Variants in QPCT observed in about 807,000 individuals in gnomAD.
The protein encoded by QPCT is glutaminyl-peptide cyclotransferase.
QPCT carries 44 observed loss-of-function variants against 43.4 expected under a neutral mutation model. The observed-to-expected ratio is 1.01, with a 90% CI of 0.80 to 1.30. QPCT has a LOEUF of 1.30. Ranked by LOEUF, QPCT falls within the 50% of genes most tolerant of loss-of-function variation. The pLI is 0.00. For missense variants in QPCT, 526 were observed against 436.5 expected (o/e 1.21, Z -1.83); for synonymous variants, 168 against 168.4 (o/e 1.00, Z 0.02).
Position 37,372,492 on chromosome 2 carries a change from G to T in QPCT, c.940+20G>T, listed in dbSNP as rs112450688. The T allele has an allele frequency of 1.3e-6, 2 of 1,561,044 alleles. No individual in the cohort carries two copies. The highest frequency in any genetic ancestry group is 3.3e-5 in the Admixed American group (2 of 59,852). On this transcript the variant is annotated intron_variant, in intron 6 of 6. Coordinates refer to ENST00000338415, the MANE Select transcript of QPCT (RefSeq NM_012413.4). Reference sequence around the variant, plus strand: ...GAAGAGGTAATGTGTGTGTGTGTGTGTGTTTGTGTGTGTGTGCGTGCACAG... The same window carrying T: ...GAAGAGGTAATGTGTGTGTGTGTGTTTGTTTGTGTGTGTGTGCGTGCACAG...
intron 2 of QPCT, among the ~76,000 whole-genome samples, chr2:37,355,160 G>A (rs1311530440): frequency 6.6e-6 from 1 of 152,200 alleles, no homozygotes; most frequent in Non-Finnish European, 1.5e-5. Context: ...TGCATGGGCT[G>A]GCTGATGGCT....
At chr2:37,362,159 G>A (rs1172500755) in intron 3 of QPCT, among the ~76,000 whole-genome samples, 2 of 152,216 alleles carry the variant, frequency 1.3e-5, no homozygotes, top group Non-Finnish European at 2.9e-5. Flanking sequence ...GAACTGTCAA[G>A]CCTGCAAGAG....
chr2:37,369,623 C>A (rs1224957281), intron 4 of QPCT, 62 bp from the exon 5 acceptor site: 1 of 1,226,028 alleles, frequency 8.2e-7, no homozygotes, highest in African/African-American at 1.5e-5. Context: ...TTGTATTTCC[C>A]TGTTGATGAA....
chr2:37,360,720 A>G (rs1672843388), intron 3 of QPCT, among the ~76,000 whole-genome samples: 1 of 152,108 alleles, frequency 6.6e-6, no homozygotes, highest in African/African-American at 2.4e-5. Context: ...AAATTGAAGA[A>G]AGCAAGACTT....
intron 3 of QPCT, among the ~76,000 whole-genome samples, chr2:37,364,079 T>G (rs1672908941): frequency 6.6e-6 from 1 of 152,168 alleles, no homozygotes; most frequent in Admixed American, 6.5e-5. Context: ...ACAATGAAAT[T>G]ATGCCTTAAA....
intron 1 of QPCT, among the ~76,000 whole-genome samples, chr2:37,350,352 G>A (rs184415554): frequency 6.6e-6 from 1 of 152,256 alleles, no homozygotes; most frequent in African/African-American, 2.4e-5. Context: ...TTATCCCTTC[G>A]CACATTTCTA....
At chr2:37,355,006 G>C (rs1672711649) in intron 2 of QPCT, among the ~76,000 whole-genome samples, 1 of 152,144 alleles carries the variant, frequency 6.6e-6, no homozygotes, top group Admixed American at 6.5e-5. Flanking sequence ...CATAGATATT[G>C]TTGTAGTTAA....
rs1164499455 is a variant in QPCT, at chr2:37,373,273, A to C, written c.*446A>C. 1 of 152,310 alleles carries C rather than the reference A, an allele frequency of 6.6e-6. No individual in the cohort carries two copies. Among genetic ancestry groups the C allele is most frequent in the Admixed American group, 6.5e-5 (1 of 15,268 alleles). 9.4% of individuals were successfully genotyped at this position (152,310 alleles called of 1,614,324 possible). ...TGAAGGCGGTCAGATTTCTTTGAGA[A>C]ATCTTTGTAGAGTTAATTTTATGGA... is the stretch of plus-strand genomic sequence containing the variant. On this transcript the variant is annotated 3_prime_UTR_variant, in exon 7 of 7. Transcript: ENST00000338415.
Position 37,344,700 on chromosome 2 carries a change from C to A in QPCT, c.-32C>A. 6.3e-7 allele frequency: 1 copy of A among 1,579,832 alleles called. No homozygotes were observed. The highest frequency in any genetic ancestry group is 8.6e-7 in the Non-Finnish European group (1 of 1,164,608). On this transcript the variant is annotated 5_prime_UTR_variant, in exon 1 of 7. Coordinates refer to ENST00000338415, the MANE Select transcript of QPCT (RefSeq NM_012413.4). ...CCCGGGCTCGTGACCGCCAGCGGCC[C>A]GGGGAACCCGCTCCCAGACAGACTC... is the stretch of plus-strand genomic sequence containing the variant.
At chr2:37,368,408 C>A (rs536906648) in intron 4 of QPCT, 8 of 252,914 alleles carry the variant, frequency 3.2e-5, no homozygotes, top group African/African-American at 1.6e-4. Context: ...CAGCTTGGAA[C>A]CTCATGCTAC....
At chr2:37,364,518 A>G (rs1358267526) in intron 3 of QPCT, among the ~76,000 whole-genome samples, 1 of 152,252 alleles carries the variant, frequency 6.6e-6, no homozygotes, top group Non-Finnish European at 1.5e-5. Context: ...AAGACATATT[A>G]GGCTCAAAGA....
intron 3 of QPCT, among the ~76,000 whole-genome samples, chr2:37,363,841 T>C (rs1672904328): frequency 6.6e-6 from 1 of 152,016 alleles, no homozygotes; most frequent in Non-Finnish European, 1.5e-5. Flanking sequence ...AATTGGTCAA[T>C]AAGGAGGAGC....
chr2:37,359,050 T>A (rs1054305052), intron 2 of QPCT, among the ~76,000 whole-genome samples: 1 of 152,214 alleles, frequency 6.6e-6, no homozygotes, highest in Non-Finnish European at 1.5e-5. Flanking sequence ...CTTAATTTTT[T>A]AAATATGCCT....
At position 37,344,837 on chromosome 2, in the gene QPCT, T is replaced by C; in HGVS notation, c.106T>C (p.Trp36Arg). The C allele has an allele frequency of 6.3e-7, 1 of 1,597,474 alleles. No individual in the cohort carries two copies. The highest frequency in any genetic ancestry group is 8.5e-7 in the Non-Finnish European group (1 of 1,173,128). ...SRGVSPSASA[W>R]PEEKNYHQPA... ...GGGGGTCAGTCCGAGTGCCTCAGCC[T>C]GGCCAGAGGAGAAGGTGAGGGGCTG... Residue 36 changes from tryptophan (W) to arginine (R), a missense_variant, in exon 1 of 7, where the codon TGG (tryptophan) becomes CGG (arginine). Coordinates refer to ENST00000338415, the MANE Select transcript of QPCT (RefSeq NM_012413.4).
chr2:37,346,257 G>A (rs62133277), intron 1 of QPCT, among the ~76,000 whole-genome samples: 281 of 152,314 alleles, frequency 1.8e-3, no homozygotes, highest in Non-Finnish European at 3.3e-3. Context: ...TGGTAGTGAG[G>A]GAAGTCTGTA....
At chr2:37,366,078 T>G (rs535343547) in intron 3 of QPCT, among the ~76,000 whole-genome samples, 1 of 152,268 alleles carries the variant, frequency 6.6e-6, no homozygotes, top group East Asian at 1.9e-4. Flanking sequence ...TTGGCATGAT[T>G]GACTGGAATT....
At chr2:37,347,257 A>G (rs1488744139) in intron 1 of QPCT, among the ~76,000 whole-genome samples, 1 of 133,320 alleles carries the variant, frequency 7.5e-6, no homozygotes, top group Non-Finnish European at 1.5e-5. Flanking sequence ...ACATATATAT[A>G]TATACATCCA....
intron 4 of QPCT, among the ~76,000 whole-genome samples, chr2:37,369,235 A>C (rs3821141): frequency 0.13 from 19,425 of 152,262 alleles, 1,393 homozygotes; most frequent in East Asian, 0.28. Flanking sequence ...AATTTTTCTT[A>C]GATACTACTT....
chr2:37,363,773 G>C (rs1305274774), intron 3 of QPCT, among the ~76,000 whole-genome samples: 1 of 151,248 alleles, frequency 6.6e-6, no homozygotes, highest in African/African-American at 2.4e-5. Flanking sequence ...TATTCTTACA[G>C]AGATAAGAGG....
Sources: allele counts gnomAD v4.1 joint callset (sites outside exome capture counted in the v4.1 genomes callset), GRCh38; gene constraint gnomAD v4.1.1; transcripts MANE v1.5; gene names NCBI Gene and HGNC (gene_info 2026-07-23, HGNC 2026-07-21).